The following ATP7A variants were observed in gnomAD, a reference collection of about 807,000 sequenced individuals.
The protein encoded by ATP7A is ATPase copper transporting alpha.
ATP7A carries 7 observed loss-of-function variants against 83.5 expected under a neutral mutation model. The ratio of observed to expected loss-of-function variants is 0.08; its 90% CI spans 0.05 to 0.16. The LOEUF (loss-of-function observed/expected upper bound fraction) is 0.16. Among genes scored for constraint, ATP7A ranks in the 10% least tolerant of loss-of-function variants. The pLI, the probability that ATP7A is intolerant of heterozygous loss-of-function variation, is 1.00. For missense variants in ATP7A, 940 were observed against 1,120.8 expected (o/e 0.84, Z 2.30); for synonymous variants, 354 against 395.2 (o/e 0.90, Z 1.24).
At chrX:77,953,174 G>A (rs1557226981) in intron 1 of ATP7A, among the ~76,000 whole-genome samples, 1 of 111,765 alleles carries the variant, frequency 8.9e-6, no homozygotes. Context: ...GTTGGTTTTG[G>A]CACTATTTTG....
chrX:77,975,855 T>G (rs889931652), intron 2 of ATP7A: 3 of 112,117 alleles, frequency 2.7e-5, no homozygotes, highest in African/African-American at 9.7e-5. Flanking sequence ...GTAATGGATA[T>G]GTCATTTTAG....
At chrX:77,984,970 A>G (rs1394512295) in intron 2 of ATP7A, among the ~76,000 whole-genome samples, 1 of 112,215 alleles carries the variant, frequency 8.9e-6, no homozygotes. Flanking sequence ...TGCCTTTTAT[A>G]AATAAAAGAT....
rs782067710 is a variant in ATP7A at position 78,020,321 on chromosome X, A to T, written c.2704A>T (p.Ile902Phe). Residue 902 changes from isoleucine to phenylalanine, a missense_variant, in exon 13 of 23, where the codon ATC becomes TTC. Around this residue, in one of 3 missense-constraint regions of ATP7A, gnomAD observed 386 missense variants for 502.2 expected, o/e 0.77. Transcript: ENST00000341514. ...GSINQNGSLL[I>F]CATHVGADTT... ...CATTAACCAGAACGGGTCACTGCTT[A>T]TCTGCGCAACACATGTTGGAGCAGA... 3 of 1,211,764 alleles carry T rather than the reference A, an allele frequency of 2.5e-6. No individual in the cohort carries two copies. Among genetic ancestry groups the T allele is most frequent in the African/African-American group, 1.7e-5 (1 of 57,865 alleles).
chrX:77,929,158 CT>C (rs1372517764), intron 1 of ATP7A, among the ~76,000 whole-genome samples: 1 of 111,856 alleles, frequency 8.9e-6, no homozygotes, highest in African/African-American at 3.3e-5. Flanking sequence ...TACTGTTTGT[CT>C]TCTCGAGATG....
chrX:77,931,428 C>A (rs1326720352), intron 1 of ATP7A, among the ~76,000 whole-genome samples: 2 of 112,062 alleles, frequency 1.8e-5, no homozygotes, highest in Admixed American at 1.9e-4. Context: ...TACACAGACA[C>A]GGCAACCATC....
chrX:77,962,496 C>A (rs1235735832), intron 1 of ATP7A: 16 of 238,841 alleles, frequency 6.7e-5, no homozygotes, highest in African/African-American at 4.6e-4. Flanking sequence ...TTGTCCAATT[C>A]TTTGTTTAAG....
chrX:77,952,927 G>A (rs1451535986), intron 1 of ATP7A, among the ~76,000 whole-genome samples: 1 of 109,493 alleles, frequency 9.1e-6, no homozygotes, highest in African/African-American at 3.3e-5. Flanking sequence ...GACTACAGGA[G>A]TGTGCCACCG....
intron 6 of ATP7A, among the ~76,000 whole-genome samples, chrX:78,004,312 G>A (rs1176726645): frequency 8.9e-6 from 1 of 111,894 alleles, no homozygotes; most frequent in Non-Finnish European, 1.9e-5. Context: ...GAAGAGAGCG[G>A]GATTGAGGGA....
In ATP7A at chrX:78,049,317, C is replaced by T. The variant is rs2078099943; in HGVS notation, c.*2747C>T. On this transcript the variant is annotated 3_prime_UTR_variant, in exon 23 of 23. Coordinates refer to ENST00000341514, the MANE Select transcript of ATP7A (RefSeq NM_000052.7). ...ATACACATACATACATATTACCATA[C>T]TGAAGGGAAATGGATTTATATTTGA... 8.9e-6 allele frequency: 1 copy of T among 112,068 alleles called. No homozygotes were observed. The highest frequency in any genetic ancestry group is 3.2e-5 in the African/African-American group (1 of 30,790). The allele number at this position is 112,068 out of a possible 1,213,427, so 9.2% of individuals were successfully genotyped here.
chrX:77,960,022 T>G (rs2077466308), intron 1 of ATP7A, among the ~76,000 whole-genome samples: 1 of 112,332 alleles, frequency 8.9e-6, no homozygotes, highest in Admixed American at 9.5e-5. Flanking sequence ...ATCTACCTGA[T>G]GGAGGTACAT....
chrX:77,966,260 C>T (rs2077504978), intron 1 of ATP7A, among the ~76,000 whole-genome samples: 2 of 111,868 alleles, frequency 1.8e-5, no homozygotes, highest in Admixed American at 1.9e-4. Flanking sequence ...ACAATTAACT[C>T]AAAATGGATT....
chrX:77,981,196 T>C (rs1299662661), intron 2 of ATP7A, among the ~76,000 whole-genome samples: 3 of 111,741 alleles, frequency 2.7e-5, no homozygotes, highest in African/African-American at 6.5e-5. Context: ...TGACAGTGCA[T>C]TGAATATTCT....
At chrX:77,975,919 C>G (rs1557230233) in intron 2 of ATP7A, 1 of 112,028 alleles carries the variant, frequency 8.9e-6, no homozygotes, top group Non-Finnish European at 1.9e-5. Flanking sequence ...GTTATCTTAT[C>G]ATTAAAACAA....
chrX:78,047,741 C>T lies in ATP7A; in HGVS notation c.*1171C>T, dbSNP rs1479222119. On this transcript the variant is annotated 3_prime_UTR_variant, in exon 23 of 23. Transcript: ENST00000341514. The stretch of plus-strand genomic sequence containing the variant: ...CCTGCCACCACACCCGGCTAATTTT[C>T]ATATTTTTCAGTAGAGACGGGGTTT... The T allele has an allele frequency of 1.8e-5, 2 of 111,060 alleles. No individual in the cohort carries two copies. The highest frequency in any genetic ancestry group is 6.5e-5 in the African/African-American group (2 of 30,546). 9.2% of individuals were successfully genotyped at this position (111,060 alleles called of 1,213,427 possible). A position where few individuals can be genotyped will look rare whatever the true frequency, so the allele number is the denominator to read the frequency against.
intron 15 of ATP7A, among the ~76,000 whole-genome samples, chrX:78,029,651 C>T (rs1358239025): frequency 8.9e-6 from 1 of 111,850 alleles, no homozygotes; most frequent in African/African-American, 3.2e-5. Context: ...AAAACTACTC[C>T]AGGCCTATTT....
chrX:78,010,859 A>T (rs367951606), intron 7 of ATP7A, among the ~76,000 whole-genome samples: 2 of 110,921 alleles, frequency 1.8e-5, no homozygotes, highest in Admixed American at 9.6e-5. Context: ...GATTACAGGC[A>T]TGAGCCACCG....
rs1247727399 is a variant in ATP7A at position 77,969,802 on chromosome X, C to T, written c.-21-1819C>T. 6.3e-5 allele frequency among the ~76,000 whole-genome samples: 7 copies of T among 111,879 alleles called. No individual in the cohort carries two copies. The East Asian group carries it at 1.1e-3, about 18-fold the overall frequency. On this transcript the variant is annotated intron_variant, in intron 1 of 22. Transcript: ENST00000341514. ...ATTAGATTGATTTATATGAAATTGC[C>T]GGTGTTTGACTATGATGATTTCATG...
intron 1 of ATP7A, among the ~76,000 whole-genome samples, chrX:77,922,226 T>A (rs1164012398): frequency 9.1e-6 from 1 of 110,068 alleles, no homozygotes; most frequent in Non-Finnish European, 1.9e-5. Flanking sequence ...TGTGTGTTCT[T>A]GGGTGTGGTG....
chrX:77,995,276 A>G (rs1557232411), intron 4 of ATP7A, among the ~76,000 whole-genome samples: 1 of 111,638 alleles, frequency 9.0e-6, no homozygotes, highest in East Asian at 2.8e-4. Flanking sequence ...TAAAAGAGGT[A>G]GTGAGAAGCC....
Sources: gnomAD v4.1 joint callset for allele counts (sites outside exome capture counted in the v4.1 genomes callset) on GRCh38, gnomAD v4.1.1 for gene constraint, gnomAD v4.1.1 regional missense constraint, MANE v1.5 for transcripts, NCBI Gene and HGNC (gene_info 2026-07-23, HGNC 2026-07-21) for gene names.